Variants in ANKEF1 observed in about 807,000 individuals in gnomAD.
The protein encoded by ANKEF1 is ankyrin repeat and EF-hand domain-containing protein 1.
In ANKEF1, 43 loss-of-function variants were observed where a neutral mutation model predicts 65.1. The observed-to-expected ratio is 0.66, with a 90% confidence interval of 0.52 to 0.85. The LOEUF (loss-of-function observed/expected upper bound fraction) is 0.85, where lower values mean the gene tolerates loss of function less well. Among genes scored for constraint, ANKEF1 ranks in the 40% least tolerant of loss-of-function variants. The pLI, the probability that ANKEF1 is intolerant of heterozygous loss-of-function variation, is 0.00. For synonymous variants in ANKEF1, 316 were observed against 341.5 expected (o/e 0.93, Z 0.82); for missense variants, 934 against 952.9 (o/e 0.98, Z 0.26).
At chr20:10,046,986 G>T (rs970942690) in intron 6 of ANKEF1, among the ~76,000 whole-genome samples, 1 of 152,004 alleles carries the variant, frequency 6.6e-6, no homozygotes, top group African/African-American at 2.4e-5. Context: ...TGTCTTAATT[G>T]GTTTTGTTTT....
Position 10,049,782 on chromosome 20 carries a change from T to C in ANKEF1, c.1213T>C (p.Ser405Pro), listed in dbSNP as rs1256039625. The C allele has an allele frequency of 1.2e-6, 2 of 1,614,062 alleles. No individual in the cohort carries two copies. The change falls in exon 7 of 11, where the codon TCT (serine) becomes CCT (proline). Residue 405 changes from serine (S) to proline (P), a missense_variant. Transcript: ENST00000378392. ...TAAAGGAACCAGATATTTAAACAAG[T>C]CTTTTGTCTTAGGATCGTATGGACC... ...FFKGTRYLNK[S>P]FVLGSYGPKK... is the part of the protein sequence containing the mutation.
At chr20:10,053,860 A>G (rs1985003799) in intron 9 of ANKEF1, among the ~76,000 whole-genome samples, 1 of 152,156 alleles carries the variant, frequency 6.6e-6, no homozygotes. Context: ...TGGAACTTCT[A>G]AACTGCAGTG....
rs1984956380 is a variant in ANKEF1, at chr20:10,053,065, A to G, written c.1871-47A>G. On this transcript the variant is annotated intron_variant, in intron 8 of 10. Coordinates refer to ENST00000378392, the MANE Select transcript of ANKEF1 (RefSeq NM_022096.6). The stretch of plus-strand genomic sequence containing the variant: ...GAGATATTTTTCTACATGGTTTATC[A>G]TTAATATGTTTATAGTCACTCTGAA... 2.0e-6 allele frequency: 3 copies of G among 1,520,312 alleles called. No homozygotes were observed. In the East Asian group the frequency reaches 6.8e-5, roughly 35 times the overall value. 94.2% of individuals were successfully genotyped at this position (1,520,312 alleles called of 1,614,324 possible).
intron 8 of ANKEF1, 54 bp downstream of exon 8, chr20:10,051,943 A>C (rs1293618250): frequency 1.5e-6 from 2 of 1,337,430 alleles, no homozygotes; most frequent in Non-Finnish European, 2.1e-6. Flanking sequence ...CTTATGTTAG[A>C]TTCTAAGCCC....
chr20:10,051,435 C>T (rs977494897), intron 7 of ANKEF1, among the ~76,000 whole-genome samples: 3 of 152,054 alleles, frequency 2.0e-5, no homozygotes, highest in African/African-American at 4.8e-5. Context: ...TGATTTTAAC[C>T]TTTGCAAATC....
chr20:10,040,514 G>C (rs1157030967), intron 3 of ANKEF1: 1 of 152,136 alleles, frequency 6.6e-6, no homozygotes, highest in Admixed American at 6.5e-5. Flanking sequence ...ATTCTTTCTT[G>C]TATGTTGTCC....
chr20:10,049,825 G>T lies in ANKEF1; in HGVS notation c.1256G>T (p.Gly419Val), dbSNP rs746522690. Residue 419 changes from glycine to valine, a missense_variant, in exon 7 of 11, where the codon GGG (glycine) becomes GTG (valine). By Grantham distance (109) the Gly-to-Val change is moderately radical. Coordinates refer to ENST00000378392, the MANE Select transcript of ANKEF1 (RefSeq NM_022096.6). ...GSYGPKKKEK[G>V]MGKKGKKGKF... ...TATGGACCTAAGAAAAAGGAAAAAGGGATGGGCAAAAAAGGAAAGAAAGGG... is the reference window on the plus strand; with the variant it reads ...TATGGACCTAAGAAAAAGGAAAAAGTGATGGGCAAAAAAGGAAAGAAAGGG... 9 of 1,613,956 alleles carry T rather than the reference G, an allele frequency of 5.6e-6. No individual in the cohort carries two copies. Among genetic ancestry groups the T allele is most frequent in the Non-Finnish European group, 6.8e-6 (8 of 1,180,002 alleles).
intron 3 of ANKEF1, among the ~76,000 whole-genome samples, chr20:10,041,753 A>G (rs558681924): frequency 1.8e-4 from 27 of 152,184 alleles, no homozygotes; most frequent in Admixed American, 8.5e-4. Context: ...CTGTGGCTAA[A>G]GAGATTCAGT....
rs1984319591 is a variant in ANKEF1, at chr20:10,043,469, C to A, written c.546+148C>A. On this transcript the variant is annotated intron_variant, in intron 4 of 10. Transcript: ENST00000378392. ...CTTGAAGATGGTATACGTTTATTAT[C>A]TTCATATTGCTGTGATTCTACAGTC... 5.6e-6 allele frequency: 4 copies of A among 712,054 alleles called. No individual in the cohort carries two copies. The Admixed American group carries it at 1.1e-4, about 20-fold the overall frequency. 44.1% of individuals were successfully genotyped at this position (712,054 alleles called of 1,614,324 possible). A position where few individuals can be genotyped will look rare whatever the true frequency, so the allele number is the denominator to read the frequency against.
In ANKEF1 at chr20:10,055,634, G is replaced by A; in HGVS notation, c.2305G>A (p.Ala769Thr). 1.9e-6 allele frequency: 3 copies of A among 1,613,796 alleles called. No individual in the cohort carries two copies. Among genetic ancestry groups the A allele is most frequent in the South Asian group, 2.2e-5 (2 of 91,054 alleles). Residue 769 changes from alanine to threonine, a missense_variant, in exon 11 of 11, where the codon GCA (alanine) becomes ACA (threonine). Coordinates refer to ENST00000378392, the MANE Select transcript of ANKEF1 (RefSeq NM_022096.6). Reference sequence around the variant, plus strand: ...GAAGAACATCACAGAGAAAGCTCGAGCACTGGAAGCTGCCTTGAAGACCTA... The same window carrying A: ...GAAGAACATCACAGAGAAAGCTCGAACACTGGAAGCTGCCTTGAAGACCTA... ...FQKNITEKAR[A>T]LEAALKT
chr20:10,044,224 G>T (rs183548235), intron 4 of ANKEF1, among the ~76,000 whole-genome samples, 170 bp from the exon 5 acceptor site: 1 of 152,266 alleles, frequency 6.6e-6, no homozygotes, highest in Admixed American at 6.5e-5. Flanking sequence ...CTGACCCATT[G>T]TACTTGCTTA....
At chr20:10,047,128 C>A (rs1050047112) in intron 6 of ANKEF1, among the ~76,000 whole-genome samples, 3 of 152,086 alleles carry the variant, frequency 2.0e-5, no homozygotes, top group African/African-American at 2.4e-5. Context: ...CTTATTGGGA[C>A]AAATATCACA....
intron 6 of ANKEF1, 90 bp from the exon 7 acceptor site, chr20:10,049,300 G>A (rs1038259970): frequency 1.9e-5 from 24 of 1,246,048 alleles, no homozygotes; most frequent in Non-Finnish European, 2.5e-5. Context: ...TACTAATCAC[G>A]AGAAATTAAG....
intron 5 of ANKEF1, among the ~76,000 whole-genome samples, chr20:10,044,894 A>T (rs996296510): frequency 6.6e-6 from 1 of 152,144 alleles, no homozygotes; most frequent in Non-Finnish European, 1.5e-5. Context: ...ATGGGAGAAC[A>T]ATGCCCTCAT....
At position 10,045,582 on chromosome 20, in the gene ANKEF1, G is replaced by A. The variant is rs553246054; in HGVS notation, c.705G>A (p.Lys235=). ...AAKGGFFDIL[K]LLFAYNGDVG... Reference sequence around the variant, plus strand: ...CACTATTTATTTTACAGATATTGAAGCTTCTTTTTGCCTACAATGGAGACG... The same window carrying A: ...CACTATTTATTTTACAGATATTGAAACTTCTTTTTGCCTACAATGGAGACG... The change falls in exon 6 of 11, where the codon AAG becomes AAA. Residue 235 remains lysine (K), a synonymous_variant. Coordinates refer to ENST00000378392, the MANE Select transcript of ANKEF1 (RefSeq NM_022096.6). 2 of 1,613,406 alleles carry A rather than the reference G, an allele frequency of 1.2e-6. No homozygotes were observed. Among genetic ancestry groups the A allele is most frequent in the South Asian group, 2.2e-5 (2 of 91,070 alleles).
Position 10,054,602 on chromosome 20 carries a change from A to G in ANKEF1, c.2172+3A>G. 1 of 1,604,208 alleles carries G rather than the reference A, an allele frequency of 6.2e-7. No homozygotes were observed. The highest frequency in any genetic ancestry group is 8.5e-7 in the Non-Finnish European group (1 of 1,176,916). On this transcript the variant is annotated splice_donor_region_variant and intron_variant, in intron 10 of 10. Coordinates refer to ENST00000378392, the MANE Select transcript of ANKEF1 (RefSeq NM_022096.6). ...ATATCACATTTATTCCACGGAGGGT[A>G]AGTGCTTCGAAAAGATCTTCATAGC...
intron 5 of ANKEF1, among the ~76,000 whole-genome samples, chr20:10,045,191 G>A (rs1984441106): frequency 6.6e-6 from 1 of 152,068 alleles, no homozygotes; most frequent in Non-Finnish European, 1.5e-5. Context: ...TTTTCCCCTT[G>A]GATGCTGTTT....
chr20:10,045,572 A>G lies in ANKEF1; in HGVS notation c.697-2A>G, dbSNP rs1984470570. ...CCACAATATCCACTATTTATTTTAC[A>G]GATATTGAAGCTTCTTTTTGCCTAC... On this transcript the variant is annotated splice_acceptor_variant, in intron 5 of 10. Coordinates refer to ENST00000378392, the MANE Select transcript of ANKEF1 (RefSeq NM_022096.6). LOFTEE classifies it high-confidence loss of function. 1 of 1,613,090 alleles carries G rather than the reference A, an allele frequency of 6.2e-7. No homozygotes were observed. The highest frequency in any genetic ancestry group is 8.5e-7 in the Non-Finnish European group (1 of 1,179,198).
chr20:10,037,117 T>A (rs1291095284), intron 2 of ANKEF1, among the ~76,000 whole-genome samples: 1 of 152,150 alleles, frequency 6.6e-6, no homozygotes, highest in Non-Finnish European at 1.5e-5. Context: ...GTGCATAGTT[T>A]CAACTTTTGT....
Sources: allele counts gnomAD v4.1 joint callset (sites outside exome capture counted in the v4.1 genomes callset), GRCh38; gene constraint gnomAD v4.1.1; transcripts MANE v1.5; gene names NCBI Gene and HGNC (gene_info 2026-07-23, HGNC 2026-07-21).